Variants in MYBPC1 observed in about 807,000 individuals in gnomAD.
MYBPC1 encodes myosin-binding protein C, slow-type.
MYBPC1 carries 52 observed loss-of-function variants against 147.1 expected under a neutral mutation model. That is an observed-to-expected ratio of 0.35 (90% confidence interval 0.28 to 0.45). The LOEUF (loss-of-function observed/expected upper bound fraction) is 0.45. MYBPC1 is among the 20% of genes least tolerant of loss of function. The pLI, the probability that MYBPC1 is intolerant of heterozygous loss-of-function variation, is 1.00. For synonymous variants in MYBPC1, 477 were observed against 475.9 expected (o/e 1.00, Z -0.03); for missense variants, 1,228 against 1,440.3 (o/e 0.85, Z 2.39).
intron 3 of MYBPC1, among the ~76,000 whole-genome samples, chr12:101,625,184 T>TA (rs1396224661): frequency 1.3e-4 from 16 of 126,442 alleles, no homozygotes; most frequent in East Asian, 3.6e-4. Context: ...ATAGTTCCCT[T>TA]AAAAAAAAAA....
At chr12:101,666,793 G>C in intron 22 of MYBPC1, 1 of 1,613,238 alleles carries the variant, frequency 6.2e-7, no homozygotes, top group East Asian at 2.2e-5. Flanking sequence ...CCTATGATCT[G>C]CCAGGTAAAG....
intron 10 of MYBPC1, 129 bp from the exon 11 acceptor site, chr12:101,642,290 G>T: frequency 1.1e-6 from 1 of 943,998 alleles, no homozygotes; most frequent in South Asian, 1.4e-5. Flanking sequence ...TGACTTCTGG[G>T]CTTCAAGTAC....
intron 19 of MYBPC1, among the ~76,000 whole-genome samples, chr12:101,660,886 G>A (rs1184319079): frequency 2.0e-5 from 3 of 152,188 alleles, no homozygotes; most frequent in African/African-American, 7.2e-5. Context: ...TCACTACCAC[G>A]AGAACAGTAT....
the MYBPC1 span, among the ~76,000 whole-genome samples, chr12:101,694,943 TACAG>T: frequency 2.0e-5 from 3 of 152,256 alleles, no homozygotes; most frequent in African/African-American, 7.2e-5. Flanking sequence ...TTAGTTATTG[TACAG>T]ACAAAGGTGT....
chr12:101,634,223 T>C (rs1173641880), intron 8 of MYBPC1, among the ~76,000 whole-genome samples: 3 of 152,166 alleles, frequency 2.0e-5, no homozygotes, highest in African/African-American at 7.2e-5. Context: ...TTAAGAATAT[T>C]GATTTCTGGG....
At chr12:101,623,246 C>T (rs1593732797) in intron 3 of MYBPC1, among the ~76,000 whole-genome samples, 1 of 151,776 alleles carries the variant, frequency 6.6e-6, no homozygotes, top group Admixed American at 6.6e-5. Flanking sequence ...GGTTGAGGCA[C>T]AAGAATTGCT....
intron 1 of MYBPC1, among the ~76,000 whole-genome samples, chr12:101,612,964 T>A (rs1261738267): frequency 3.9e-5 from 6 of 152,260 alleles, no homozygotes; most frequent in African/African-American, 1.4e-4. Context: ...GTGTTTTCAC[T>A]GTATCTGCAA....
chr12:101,607,992 A>G (rs550468324), intron 1 of MYBPC1, among the ~76,000 whole-genome samples: 1 of 152,338 alleles, frequency 6.6e-6, no homozygotes, highest in South Asian at 2.1e-4. Flanking sequence ...CAGCAGCACA[A>G]AGGCCACATA....
chr12:101,642,730 A>G, intron 11 of MYBPC1, 145 bp downstream of exon 11: 1 of 834,106 alleles, frequency 1.2e-6, no homozygotes, highest in Non-Finnish European at 1.9e-6. Flanking sequence ...ACGCTTGTCT[A>G]GACGGACAGC....
downstream of MYBPC1, among the ~76,000 whole-genome samples, chr12:101,686,697 T>G (rs1451269658): frequency 3.3e-5 from 5 of 152,196 alleles, no homozygotes; most frequent in Non-Finnish European, 7.4e-5. Context: ...TGTGACTTGT[T>G]GGTGGGCCCA....
downstream of MYBPC1, among the ~76,000 whole-genome samples, chr12:101,688,818 T>G (rs758849799): frequency 2.0e-5 from 3 of 151,826 alleles, no homozygotes; most frequent in Non-Finnish European, 4.4e-5. Flanking sequence ...CCAGGTGTGG[T>G]AGCACGCACC....
chr12:101,686,144 T>C (rs2241554), downstream of MYBPC1: 57,982 of 152,038 alleles, frequency 0.38, 11,414 homozygotes, highest in African/African-American at 0.49. Flanking sequence ...GCCTTTTTCT[T>C]CTTATTTGAA....
At position 101,631,563 on chromosome 12, in the gene MYBPC1, T is replaced by C. The variant is rs781635091; in HGVS notation, c.290-8T>C. ...AAGAGCAAGCTGAATCCCTTATGCT[T>C]CTTCTAGGTGAAGATATCACCTTCA... On this transcript the variant is annotated splice_region_variant and splice_polypyrimidine_tract_variant and intron_variant, in intron 6 of 31. Transcript: ENST00000361466. 1 of 1,613,782 alleles carries C rather than the reference T, an allele frequency of 6.2e-7. No homozygotes were observed. Among genetic ancestry groups the C allele is most frequent in the Non-Finnish European group, 8.5e-7 (1 of 1,179,856 alleles).
chr12:101,631,993 G>T, intron 7 of MYBPC1, 28 bp from the exon 8 acceptor site: 2 of 1,532,426 alleles, frequency 1.3e-6, no homozygotes, highest in East Asian at 2.3e-5. Context: ...AAACTGAAAT[G>T]TGTGTGTCTG....
chr12:101,607,126 G>A (rs1488542324), intron 1 of MYBPC1, among the ~76,000 whole-genome samples: 1 of 152,112 alleles, frequency 6.6e-6, no homozygotes, highest in Non-Finnish European at 1.5e-5. Context: ...CGGCCATGGG[G>A]TACACTTATG....
At chr12:101,601,653 T>C (rs1329627818) in intron 1 of MYBPC1, among the ~76,000 whole-genome samples, 1 of 152,238 alleles carries the variant, frequency 6.6e-6, no homozygotes, top group Non-Finnish European at 1.5e-5. Context: ...TTTAGGCCAA[T>C]TTGGCACATC....
the MYBPC1 span, among the ~76,000 whole-genome samples, chr12:101,694,889 T>C: frequency 6.6e-6 from 1 of 152,252 alleles, no homozygotes; most frequent in Non-Finnish European, 1.5e-5. Flanking sequence ...TACCAGTTTA[T>C]TTACCCATTC....
In MYBPC1 at chr12:101,648,275, T is replaced by A; in HGVS notation, c.1196+125T>A. On this transcript the variant is annotated intron_variant, in intron 14 of 31. Transcript: ENST00000361466. ...AAAACAATCTCCACCTCATTTGTGT[T>A]AGTAGAGATGATAAATAAAAGTATA... The A allele has an allele frequency of 6.0e-6, 4 of 668,892 alleles. No homozygotes were observed. In the South Asian group the frequency reaches 6.3e-5, roughly 11 times the overall value. The allele number at this position is 668,892 out of a possible 1,614,324, so 41.4% of individuals were successfully genotyped here.
chr12:101,656,548 A>G (rs1356262778), intron 18 of MYBPC1, among the ~76,000 whole-genome samples: 6 of 152,182 alleles, frequency 3.9e-5, no homozygotes, highest in Non-Finnish European at 8.8e-5. Flanking sequence ...ATGAGTAACC[A>G]TATTAGCTTC....
Sources: gnomAD v4.1 joint callset for allele counts (sites outside exome capture counted in the v4.1 genomes callset) on GRCh38, gnomAD v4.1.1 for gene constraint, MANE v1.5 for transcripts, NCBI Gene and HGNC (gene_info 2026-07-23, HGNC 2026-07-21) for gene names.